The following GMPS variants were observed in gnomAD, a reference collection of about 807,000 sequenced individuals.
GMPS encodes the protein guanosine monophosphate synthase.
GMPS carries 15 observed loss-of-function variants against 77.9 expected under a neutral mutation model. That is an observed-to-expected ratio of 0.19 (90% confidence interval 0.13 to 0.30). The LOEUF (loss-of-function observed/expected upper bound fraction) is 0.30. Ranked by LOEUF, GMPS falls within the 10% of genes least tolerant of loss-of-function variation. The pLI is 1.00. For synonymous variants in GMPS, 224 were observed against 275.9 expected (o/e 0.81, Z 1.86); for missense variants, 590 against 838.8 (o/e 0.70, Z 3.66).
At chr3:155,935,196 T>A in intron 14 of GMPS, 150 bp downstream of exon 14, 1 of 679,340 alleles carries the variant, frequency 1.5e-6, no homozygotes, top group Admixed American at 2.4e-5. Context: ...CTTTTTTTTC[T>A]TGAGACGGAG....
At chr3:155,927,466 T>G (rs1011243137) in intron 12 of GMPS, among the ~76,000 whole-genome samples, 3 of 152,244 alleles carry the variant, frequency 2.0e-5, no homozygotes, top group African/African-American at 7.2e-5. Flanking sequence ...GATAATCTGA[T>G]GAATGAGTGA....
intron 3 of GMPS, 37 bp from the exon 4 acceptor site, chr3:155,903,826 T>C (rs1354320917): frequency 1.2e-6 from 1 of 857,758 alleles, no homozygotes; most frequent in South Asian, 1.8e-5. Context: ...TATTTTTCTT[T>C]TGATTTCTAT....
rs978418328 is a variant in GMPS at position 155,940,744 on chromosome 3, T to TA, written c.*3052_*3053insA. 17 of 203,476 alleles carry TA rather than the reference T, an allele frequency of 8.4e-5. No homozygotes were observed. The highest frequency in any genetic ancestry group is 1.5e-4 in the Non-Finnish European group (15 of 102,808). The allele number at this position is 203,476 out of a possible 1,614,324, so 12.6% of individuals were successfully genotyped here. A position where few individuals can be genotyped will look rare whatever the true frequency, so the allele number is the denominator to read the frequency against. ...AGAATGGAGAAGCTGGATAGTGTTTTTTTTTTTTTTTTTTAAGGTTCTTTT... is the reference window on the plus strand; with the variant it reads ...AGAATGGAGAAGCTGGATAGTGTTTTATTTTTTTTTTTTTTAAGGTTCTTTT... On this transcript the variant is annotated 3_prime_UTR_variant, in exon 16 of 16. Coordinates refer to ENST00000496455, the MANE Select transcript of GMPS (RefSeq NM_003875.3).
At chr3:155,877,537 C>T (rs1203251626) in intron 1 of GMPS, among the ~76,000 whole-genome samples, 1 of 152,070 alleles carries the variant, frequency 6.6e-6, no homozygotes, top group African/African-American at 2.4e-5. Flanking sequence ...CAAGGGTCCC[C>T]ATTTTCCTGC....
rs940486028 is a variant in GMPS at position 155,939,703 on chromosome 3, G to A, written c.*2011G>A. The A allele has an allele frequency of 1.0e-5, 2 of 192,874 alleles. No individual in the cohort carries two copies. The highest frequency in any genetic ancestry group is 1.1e-5 in the Non-Finnish European group (1 of 92,500). The allele number at this position is 192,874 out of a possible 1,614,324, so 11.9% of individuals were successfully genotyped here. A position where few individuals can be genotyped will look rare whatever the true frequency, so the allele number is the denominator to read the frequency against. Reference sequence around the variant, plus strand: ...TACTTAATATAATATTGGGAAAATTGTTACTCCAAAGCACATCTTGACATG... The same window carrying A: ...TACTTAATATAATATTGGGAAAATTATTACTCCAAAGCACATCTTGACATG... On this transcript the variant is annotated 3_prime_UTR_variant, in exon 16 of 16. Transcript: ENST00000496455.
intron 2 of GMPS, among the ~76,000 whole-genome samples, chr3:155,894,824 T>C (rs970945520): frequency 3.3e-5 from 5 of 152,234 alleles, no homozygotes; most frequent in African/African-American, 1.2e-4. Flanking sequence ...AATTTAACTC[T>C]GCTCTGGTGT....
At chr3:155,905,233 G>A (rs908732520) in intron 4 of GMPS, among the ~76,000 whole-genome samples, 3 of 151,872 alleles carry the variant, frequency 2.0e-5, no homozygotes, top group Admixed American at 6.6e-5. Context: ...TTGAACTCCC[G>A]ATCTCAGGTG....
At chr3:155,928,930 C>T (rs1755527578) in intron 12 of GMPS, among the ~76,000 whole-genome samples, 1 of 150,972 alleles carries the variant, frequency 6.6e-6, no homozygotes, top group Non-Finnish European at 1.5e-5. Flanking sequence ...TTAATCCAGT[C>T]TGTCATTGTT....
intron 1 of GMPS, among the ~76,000 whole-genome samples, chr3:155,881,164 G>GTT (rs11334499): frequency 0.01 from 530 of 52,854 alleles, 3 homozygotes; most frequent in Non-Finnish European, 0.011. Flanking sequence ...TTTGATATTA[G>GTT]TTTTTTTTTT....
At chr3:155,923,405 C>A (rs1232164812) in intron 11 of GMPS, among the ~76,000 whole-genome samples, 1 of 152,058 alleles carries the variant, frequency 6.6e-6, no homozygotes, top group Non-Finnish European at 1.5e-5. Flanking sequence ...TTCCTCCACA[C>A]TGGTAAAAGA....
intron 5 of GMPS, 86 bp from the exon 6 acceptor site, chr3:155,910,605 CA>C: frequency 1.7e-6 from 1 of 577,280 alleles, no homozygotes; most frequent in East Asian, 3.1e-5. Flanking sequence ...ACCATAGAGG[CA>C]GAGATTGTGA....
intron 4 of GMPS, 56 bp downstream of exon 4, chr3:155,904,016 A>G: frequency 1.4e-6 from 1 of 711,992 alleles, no homozygotes; most frequent in Non-Finnish European, 2.4e-6. Context: ...TAAAGTTGAT[A>G]CTATTATTTT....
Position 155,897,917 on chromosome 3 carries a change from T to G in GMPS, c.210-10T>G, listed in dbSNP as rs746635903. Reference sequence around the variant, plus strand: ...CAGAGATTCTTCACTGATTGTTCCTTAAATCACAGTGCTATTATCATCTCT... The same window carrying G: ...CAGAGATTCTTCACTGATTGTTCCTGAAATCACAGTGCTATTATCATCTCT... On this transcript the variant is annotated splice_polypyrimidine_tract_variant and intron_variant, in intron 2 of 15. Coordinates refer to ENST00000496455, the MANE Select transcript of GMPS (RefSeq NM_003875.3). The G allele has an allele frequency of 1.5e-6, 2 of 1,314,598 alleles. No individual in the cohort carries two copies. The highest frequency in any genetic ancestry group is 2.2e-6 in the Non-Finnish European group (2 of 906,638). The allele number at this position is 1,314,598 out of a possible 1,614,324, so 81.4% of individuals were successfully genotyped here.
At chr3:155,899,696 A>G (rs1187451883) in intron 3 of GMPS, among the ~76,000 whole-genome samples, 2 of 152,206 alleles carry the variant, frequency 1.3e-5, no homozygotes, top group Non-Finnish European at 2.9e-5. Flanking sequence ...ATAATGACAT[A>G]TATCTACCAT....
chr3:155,931,681 TTTAAA>T (rs1182843973), intron 12 of GMPS, 79 bp from the exon 13 acceptor site: 21 of 554,448 alleles, frequency 3.8e-5, no homozygotes, highest in Admixed American at 6.1e-5. Context: ...TTCTTTTTTT[TTTAAA>T]AAAAAAAAAA....
chr3:155,891,877 A>C (rs1754479679), intron 1 of GMPS, among the ~76,000 whole-genome samples: 1 of 152,064 alleles, frequency 6.6e-6, no homozygotes, highest in South Asian at 2.1e-4. Context: ...AAGTGCTGCG[A>C]TTACAGCTGT....
At chr3:155,882,178 G>A (rs1754222157) in intron 1 of GMPS, among the ~76,000 whole-genome samples, 1 of 152,184 alleles carries the variant, frequency 6.6e-6, no homozygotes. Context: ...ACAAAGGTGA[G>A]GAAGTATGTT....
intron 14 of GMPS, 88 bp from the exon 15 acceptor site, chr3:155,936,250 T>A (rs1265095964): frequency 1.2e-6 from 1 of 803,572 alleles, no homozygotes; most frequent in Non-Finnish European, 2.2e-6. Context: ...ATATGTGATT[T>A]CAGATATTGC....
chr3:155,934,311 G>T (rs1011553425), intron 13 of GMPS, among the ~76,000 whole-genome samples: 1 of 152,180 alleles, frequency 6.6e-6, no homozygotes, highest in Non-Finnish European at 1.5e-5. Flanking sequence ...AGTTTAGGAG[G>T]CCAGAAGTCT....
Sources: gnomAD v4.1 joint callset for allele counts (sites outside exome capture counted in the v4.1 genomes callset) on GRCh38, gnomAD v4.1.1 for gene constraint, MANE v1.5 for transcripts, NCBI Gene and HGNC (gene_info 2026-07-23, HGNC 2026-07-21) for gene names.